The following SEPTIN4 variants were observed in gnomAD, a reference collection of about 807,000 sequenced individuals.
SEPTIN4 encodes the protein septin-4.
Under a neutral mutation model 107.1 loss-of-function variants are expected in SEPTIN4, and 52 were observed. The observed-to-expected ratio is 0.49, with a 90% CI of 0.39 to 0.61. The LOEUF is 0.61. Ranked by LOEUF, SEPTIN4 falls within the 20% of genes least tolerant of loss-of-function variation. The pLI is 0.00. For synonymous variants in SEPTIN4, 417 were observed against 467.0 expected, an observed-to-expected ratio of 0.89 and a Z score of 1.38; for missense variants, 1,048 against 1,243.5, an observed-to-expected ratio of 0.84 and a Z score of 2.36.
rs1259437288 is a variant in SEPTIN4, at chr17:58,526,774, T to G, written c.1819A>C (p.Asn607His). Residue 607 changes from asparagine to histidine, a missense_variant, in exon 4 of 14, where the codon AAC (asparagine) becomes CAC (histidine). Around this residue, in one of 2 missense-constraint regions of SEPTIN4, gnomAD observed 787 missense variants for 871.8 expected, o/e 0.90. Coordinates refer to ENST00000672673, the MANE Select transcript of SEPTIN4 (RefSeq NM_001368771.2). ...RPPSRPQSSD[N>H]QQYFCAPAPL... ...GCTGGGGCACAGAAGTACTGCTGGT[T>G]GTCAGAGGACTGGGGCCGCGAGGGG... The G allele has an allele frequency of 1.2e-6, 2 of 1,613,614 alleles. No individual in the cohort carries two copies. Among genetic ancestry groups the G allele is most frequent in the African/African-American group, 2.7e-5 (2 of 74,864 alleles).
At chr17:58,520,698 G>C in intron 13 of SEPTIN4, 45 bp downstream of exon 13, 1 of 1,606,834 alleles carries the variant, frequency 6.2e-7, no homozygotes, top group African/African-American at 1.3e-5. Context: ...TACCAACGTT[G>C]GTGATCAAAC....
chr17:58,525,059 T>A lies in SEPTIN4; in HGVS notation c.2216+19A>T, dbSNP rs1172982822. ...AGGGTGGCTCAGGGGCAGCTGGGAT[T>A]GTGCTTACTCAGACATACCACTCTG... On this transcript the variant is annotated intron_variant, in intron 7 of 13. Coordinates refer to ENST00000672673, the MANE Select transcript of SEPTIN4 (RefSeq NM_001368771.2). The A allele has an allele frequency of 5.0e-6, 8 of 1,613,976 alleles. No individual in the cohort carries two copies. The Admixed American group carries it at 1.3e-4, about 27-fold the overall frequency.
chr17:58,525,872 C>A, intron 5 of SEPTIN4, 91 bp from the exon 6 acceptor site: 1 of 1,104,466 alleles, frequency 9.1e-7, no homozygotes. Flanking sequence ...GGGGGGACTG[C>A]TTTCTTATCT....
rs1598318673 is a variant in SEPTIN4 at position 58,538,758 on chromosome 17, G to A, written c.1614+1908C>T. On this transcript the variant is annotated intron_variant, in intron 3 of 13. Coordinates refer to ENST00000672673, the MANE Select transcript of SEPTIN4 (RefSeq NM_001368771.2). The surrounding 1 kb of genome is among the most constrained non-coding windows in gnomAD (Gnocchi z 4.7). ...TGTCCACCCCATTCCTTAGACAAAA[G>A]GGCTTTGAGGGGCCATTTGGGAAGG... Among the ~76,000 whole-genome samples the A allele has an allele frequency of 6.6e-6, 1 of 152,286 alleles. No homozygotes were observed. Among genetic ancestry groups the A allele is most frequent in the Middle Eastern group, 3.4e-3 (1 of 294 alleles).
chr17:58,520,544 A>G, intron 13 of SEPTIN4, 59 bp from the exon 14 acceptor site: 1 of 1,600,438 alleles, frequency 6.2e-7, no homozygotes, highest in Non-Finnish European at 8.6e-7. Flanking sequence ...GTATTGGGAA[A>G]GTGCCCCAAA....
At chr17:58,527,527 TG>T (rs1303036516) in intron 3 of SEPTIN4, 3 of 235,106 alleles carry the variant, frequency 1.3e-5, no homozygotes, top group African/African-American at 6.8e-5. Context: ...ACTGGTGAGC[TG>T]GGGGACTGGG....
At chr17:58,524,997 A>T in intron 7 of SEPTIN4, 81 bp downstream of exon 7, 1 of 1,583,176 alleles carries the variant, frequency 6.3e-7, no homozygotes, top group Non-Finnish European at 8.6e-7. Context: ...ATAAGTATGG[A>T]TATATCTGGG....
chr17:58,540,048 G>C (rs1259155534), intron 3 of SEPTIN4, among the ~76,000 whole-genome samples: 1 of 152,192 alleles, frequency 6.6e-6, no homozygotes, highest in Non-Finnish European at 1.5e-5. Context: ...TAGGCTTTGG[G>C]TAATAGAGAA....
At chr17:58,525,832 C>CA in intron 5 of SEPTIN4, 51 bp from the exon 6 acceptor site, 1 of 1,436,748 alleles carries the variant, frequency 7.0e-7, no homozygotes, top group Non-Finnish European at 9.8e-7. Flanking sequence ...GATCTATAGC[C>CA]AAAAAGCAAC....
intron 2 of SEPTIN4, 187 bp downstream of exon 2, chr17:58,541,735 C>T (rs2043880244): frequency 4.6e-6 from 7 of 1,509,280 alleles, no homozygotes; most frequent in African/African-American, 2.8e-5. Flanking sequence ...AGGTTCCAAG[C>T]CCCAAAGAAA....
At chr17:58,531,415 C>T (rs994187641) in intron 3 of SEPTIN4, 1 of 152,332 alleles carries the variant, frequency 6.6e-6, no homozygotes, top group Non-Finnish European at 1.5e-5. Flanking sequence ...CTCTGGGGTC[C>T]CTTTGGGAAA....
chr17:58,526,518 C>G, intron 4 of SEPTIN4, 164 bp downstream of exon 4: 1 of 1,398,118 alleles, frequency 7.2e-7, no homozygotes, highest in Non-Finnish European at 9.2e-7. Context: ...GGGCAGATAT[C>G]TTGGAGCTAG....
At position 58,521,245 on chromosome 17, in the gene SEPTIN4, G is replaced by A. The variant is rs569317727; in HGVS notation, c.2668+9C>T. ...AGGAGATACCCTGGTCACAGGCTCA[G>A]TGCTTTACCTTCCACGATGCCCCAG... On this transcript the variant is annotated intron_variant, in intron 11 of 13. Transcript: ENST00000672673. The surrounding 1 kb of genome is among the most constrained non-coding windows in gnomAD (Gnocchi z 6.4). 1 of 1,614,212 alleles carries A rather than the reference G, an allele frequency of 6.2e-7. No homozygotes were observed. Among genetic ancestry groups the A allele is most frequent in the African/African-American group, 1.3e-5 (1 of 75,066 alleles).
At position 58,538,983 on chromosome 17, in the gene SEPTIN4, T is replaced by C; in HGVS notation, c.1614+1683A>G. 1.9e-6 allele frequency: 1 copy of C among 535,200 alleles called. No homozygotes were observed. The highest frequency in any genetic ancestry group is 3.2e-5 in the East Asian group (1 of 31,408). 33.2% of individuals were successfully genotyped at this position (535,200 alleles called of 1,614,324 possible). ...TCCCAGATCAGAGGAATCAGAGGCC[T>C]TGGACACCAGCACCACAGCGTCTCC... On this transcript the variant is annotated intron_variant, in intron 3 of 13. Coordinates refer to ENST00000672673, the MANE Select transcript of SEPTIN4 (RefSeq NM_001368771.2). This position sits in a 1 kb window ranked among gnomAD's most constrained non-coding sequence, Gnocchi z 4.7.
rs754280123 is a variant in SEPTIN4, at chr17:58,543,537, C to G, written c.650G>C (p.Arg217Thr). 1 of 1,614,064 alleles carries G rather than the reference C, an allele frequency of 6.2e-7. No individual in the cohort carries two copies. The highest frequency in any genetic ancestry group is 8.5e-7 in the Non-Finnish European group (1 of 1,180,034). Residue 217 changes from arginine (R) to threonine (T), a missense_variant, in exon 1 of 14, where the codon AGA becomes ACA. Transcript: ENST00000672673. ...TAGGAGAGAGGGACTCCTTGGAGAT[C>G]TGATCTCACTAGTAGTCGTAATTCT... Reference protein sequence around the residue: ...IQRITTTSEIRSPRSPSLLEH... With the variant: ...IQRITTTSEITSPRSPSLLEH...
At chr17:58,522,173 A>G in intron 7 of SEPTIN4, 72 bp from the exon 8 acceptor site, 2 of 1,580,984 alleles carry the variant, frequency 1.3e-6, no homozygotes, top group Admixed American at 3.4e-5. Flanking sequence ...GACTACAGAG[A>G]AGTAGCCCAC....
rs897946210 is a variant in SEPTIN4 at position 58,538,925 on chromosome 17, A to G, written c.1614+1741T>C. Among the ~76,000 whole-genome samples the G allele has an allele frequency of 6.6e-6, 1 of 152,240 alleles. No individual in the cohort carries two copies. Among genetic ancestry groups the G allele is most frequent in the African/African-American group, 2.4e-5 (1 of 41,450 alleles). On this transcript the variant is annotated intron_variant, in intron 3 of 13. Transcript: ENST00000672673. This position sits in a 1 kb window ranked among gnomAD's most constrained non-coding sequence, Gnocchi z 4.7. ...GGCCACCAGAGAATTCCTGCCAGGA[A>G]TGGAATCTGGAACAGACTCTATGGT...
At chr17:58,526,099 A>G (rs1301434661) in intron 5 of SEPTIN4, 121 bp downstream of exon 5, 6 of 1,194,924 alleles carry the variant, frequency 5.0e-6, no homozygotes, top group Non-Finnish European at 6.3e-6. Context: ...GCTGTTTTGC[A>G]AAACAGTACA....
chr17:58,525,024 T>C (rs1184507819), intron 7 of SEPTIN4, 54 bp downstream of exon 7: 2 of 1,611,400 alleles, frequency 1.2e-6, no homozygotes, highest in African/African-American at 2.7e-5. Flanking sequence ...TGTGTACCTG[T>C]GTATGGAGAA....
Sources: allele counts gnomAD v4.1 joint callset (sites outside exome capture counted in the v4.1 genomes callset), GRCh38; gene constraint gnomAD v4.1.1; regional missense constraint gnomAD v4.1.1; non-coding constraint Gnocchi (gnomAD v3.1); transcripts MANE v1.5; gene names NCBI Gene and HGNC (gene_info 2026-07-23, HGNC 2026-07-21).